Variants in SARDH observed in about 807,000 individuals in gnomAD.
The protein encoded by SARDH is sarcosine dehydrogenase, mitochondrial.
In SARDH, 95 loss-of-function variants were observed where a neutral mutation model predicts 109.1. The observed-to-expected ratio is 0.87, with a 90% CI of 0.74 to 1.03. The LOEUF is 1.03. Among genes scored for constraint, SARDH ranks in the 50% least tolerant of loss-of-function variants. The probability of loss-of-function intolerance (pLI) is 0.00; values close to 1 mark genes in which losing one functional copy is unlikely to be tolerated. For missense variants in SARDH, 1,267 were observed against 1,287.8 expected, an observed-to-expected ratio of 0.98 and a Z score of 0.25; for synonymous variants, 572 against 534.8, an observed-to-expected ratio of 1.07 and a Z score of -0.96.
chr9:133,699,695 T>C (rs952090162), intron 13 of SARDH, among the ~76,000 whole-genome samples: 1 of 152,030 alleles, frequency 6.6e-6, no homozygotes, highest in South Asian at 2.1e-4. Flanking sequence ...ACCACCAGGA[T>C]GTCTAGAATC....
In SARDH at chr9:133,732,542, G is replaced by A. The variant is rs757581715; in HGVS notation, c.391C>T (p.Arg131Trp). Reference sequence around the variant, plus strand: ...TCCTCCAGCTCCCGGCTCACCACCCGCCGAGTGTGGGCCAGAAGCTCCACC... The same window carrying A: ...TCCTCCAGCTCCCGGCTCACCACCCACCGAGTGTGGGCCAGAAGCTCCACC... ...VEVELLAHTR[R>W]VVSRELEEET... The change falls in exon 3 of 21, where the codon CGG becomes TGG. Residue 131 changes from arginine to tryptophan, a missense_variant. By Grantham distance (101) the Arg-to-Trp change is moderately radical (BLOSUM62 -3). Transcript: ENST00000439388. The A allele has an allele frequency of 1.0e-4, 168 of 1,613,506 alleles. No individual in the cohort carries two copies. Among genetic ancestry groups the A allele is most frequent in the Non-Finnish European group, 1.4e-4 (162 of 1,179,812 alleles).
In SARDH at chr9:133,729,777, G is replaced by T; in HGVS notation, c.903C>A (p.Ile301=). The T allele has an allele frequency of 6.2e-7, 1 of 1,612,754 alleles. No individual in the cohort carries two copies. Among genetic ancestry groups the T allele is most frequent in the Non-Finnish European group, 8.5e-7 (1 of 1,179,886 alleles). ...MHHAYVVTER[I]EGIQNMPNVR... ...GCTGTCCACCTACCTGAATCCCCTC[G>T]ATGCGCTCGGTGACGACATAGGCAT... Residue 301 remains isoleucine, a synonymous_variant, in exon 6 of 21, where the codon ATC becomes ATA. Transcript: ENST00000439388.
At chr9:133,725,810 G>A (rs570945594) in intron 6 of SARDH, 15 of 228,088 alleles carry the variant, frequency 6.6e-5, no homozygotes, top group East Asian at 2.7e-4. Context: ...CAGGCATGGC[G>A]TGTGGACTCC....
chr9:133,670,810 A>G, intron 18 of SARDH, 58 bp from the exon 19 acceptor site: 1 of 1,485,582 alleles, frequency 6.7e-7, no homozygotes, highest in South Asian at 1.4e-5. Flanking sequence ...GCCCTTCAGG[A>G]GATGCATGAG....
At chr9:133,675,110 A>T (rs182858339) in intron 17 of SARDH, among the ~76,000 whole-genome samples, 1 of 152,288 alleles carries the variant, frequency 6.6e-6, no homozygotes, top group Admixed American at 6.5e-5. Flanking sequence ...TTGGGAGACC[A>T]AGGTGGGAGG....
chr9:133,694,544 C>T (rs1831217157), intron 14 of SARDH, among the ~76,000 whole-genome samples, 173 bp from the exon 15 acceptor site: 2 of 152,186 alleles, frequency 1.3e-5, no homozygotes, highest in Non-Finnish European at 2.9e-5. Flanking sequence ...CCCAGGGATG[C>T]CATTTCAGCT....
chr9:133,685,878 C>A (rs1830866878), intron 16 of SARDH, among the ~76,000 whole-genome samples: 1 of 152,224 alleles, frequency 6.6e-6, no homozygotes, highest in Non-Finnish European at 1.5e-5. Flanking sequence ...CCACCCCGCT[C>A]TGTTCCCTGA....
At chr9:133,678,478 C>T (rs1323632671) in intron 17 of SARDH, among the ~76,000 whole-genome samples, 6 of 152,230 alleles carry the variant, frequency 3.9e-5, no homozygotes, top group African/African-American at 1.4e-4. Flanking sequence ...CCAAAGCCAG[C>T]CATGAGACCT....
chr9:133,673,391 G>A (rs1253143333), intron 17 of SARDH, among the ~76,000 whole-genome samples: 1 of 152,226 alleles, frequency 6.6e-6, no homozygotes, highest in Non-Finnish European at 1.5e-5. Flanking sequence ...GCTGACTGCA[G>A]GATCCCAGAC....
chr9:133,690,987 G>T (rs1187133839), intron 15 of SARDH, among the ~76,000 whole-genome samples: 1 of 152,120 alleles, frequency 6.6e-6, no homozygotes, highest in Non-Finnish European at 1.5e-5. Flanking sequence ...ACCTCTCAGG[G>T]CCCCAGGCAG....
At position 133,730,084 on chromosome 9, in the gene SARDH, G is replaced by A. The variant is rs779236501; in HGVS notation, c.794C>T (p.Pro265Leu). 2.5e-6 allele frequency: 4 copies of A among 1,614,178 alleles called. No individual in the cohort carries two copies. The highest frequency in any genetic ancestry group is 3.4e-6 in the Non-Finnish European group (4 of 1,180,026). ...CGCACCTGCACAGTTGACCACGCAG[G>A]GTGTCTGGATGGAACCATGCTGAGT... ...VETQHGSIQT[P>L]CVVNCAGVWA... The change falls in exon 5 of 21, where the codon CCC becomes CTC. Residue 265 changes from proline to leucine, a missense_variant. By Grantham distance (98) the Pro-to-Leu change is moderately conservative. Transcript: ENST00000439388.
chr9:133,659,753 C>T (rs975502595), downstream of SARDH, among the ~76,000 whole-genome samples: 6 of 152,238 alleles, frequency 3.9e-5, no homozygotes, highest in Middle Eastern at 3.4e-3. Flanking sequence ...CCATAAGTCA[C>T]GGCGCTAGCG....
intron 12 of SARDH, 132 bp from the exon 13 acceptor site, chr9:133,703,161 C>T (rs1831556321): frequency 1.6e-5 from 12 of 761,230 alleles, no homozygotes; most frequent in South Asian, 3.2e-5. Flanking sequence ...GCACTGAGTG[C>T]CCGTGTGTTG....
downstream of SARDH, among the ~76,000 whole-genome samples, chr9:133,660,073 C>G (rs574765284): frequency 1.3e-5 from 2 of 149,838 alleles, no homozygotes; most frequent in East Asian, 2.0e-4. Flanking sequence ...CCTCACCCCC[C>G]ACTCACACTC....
chr9:133,722,783 TC>T (rs1832373399), intron 6 of SARDH, among the ~76,000 whole-genome samples: 2 of 152,060 alleles, frequency 1.3e-5, no homozygotes, highest in Admixed American at 1.3e-4. Flanking sequence ...CAAGTGATTC[TC>T]CTGCCTCAGC....
At chr9:133,660,741 C>G (rs144649112), downstream of SARDH, among the ~76,000 whole-genome samples, 83 of 152,280 alleles carry the variant, frequency 5.5e-4, no homozygotes, top group African/African-American at 1.9e-3. Flanking sequence ...GCTCAGAGCC[C>G]TGGGGTGAGG....
Position 133,730,159 on chromosome 9 carries a change from A to G in SARDH, c.719T>C (p.Ile240Thr). 6.2e-7 allele frequency: 1 copy of G among 1,614,214 alleles called. No individual in the cohort carries two copies. The highest frequency in any genetic ancestry group is 8.5e-7 in the Non-Finnish European group (1 of 1,180,042). ...QVIENCPVTG[I>T]RVWTDDFGVR... ...CCCAAAATCATCCGTCCACACACGA[A>G]TGCCGGTCACTGGGCAGTTCTCAAT... Residue 240 changes from isoleucine (I) to threonine (T), a missense_variant, in exon 5 of 21, where the codon ATT (isoleucine) becomes ACT (threonine). Coordinates refer to ENST00000439388, the MANE Select transcript of SARDH (RefSeq NM_001134707.2).
At chr9:133,700,772 A>G (rs1168211706) in intron 13 of SARDH, among the ~76,000 whole-genome samples, 1 of 151,976 alleles carries the variant, frequency 6.6e-6, no homozygotes, top group African/African-American at 2.4e-5. Flanking sequence ...ATCACTCCCT[A>G]TTTCCTTCCC....
chr9:133,680,883 C>T (rs1447954695), intron 17 of SARDH, among the ~76,000 whole-genome samples: 2 of 152,244 alleles, frequency 1.3e-5, no homozygotes, highest in African/African-American at 4.8e-5. Flanking sequence ...GCGCTCAGTG[C>T]TGGGCATCAG....
Sources: allele counts gnomAD v4.1 joint callset (sites outside exome capture counted in the v4.1 genomes callset), GRCh38; gene constraint gnomAD v4.1.1; transcripts MANE v1.5; gene names NCBI Gene and HGNC (gene_info 2026-07-23, HGNC 2026-07-21).